RBM47: variants seen among roughly 807,000 people sequenced by gnomAD.
RBM47 encodes RNA-binding protein 47.
In RBM47, 21 loss-of-function variants were observed where a neutral mutation model predicts 47.1. That is an observed-to-expected ratio of 0.45 (90% CI 0.32 to 0.64). The LOEUF (loss-of-function observed/expected upper bound fraction) is 0.64. Ranked by LOEUF, RBM47 falls within the 30% of genes least tolerant of loss-of-function variation. The probability of loss-of-function intolerance (pLI) is 0.05; values close to 1 mark genes in which losing one functional copy is unlikely to be tolerated. For missense variants in RBM47, 708 were observed against 870.9 expected, an observed-to-expected ratio of 0.81 and a Z score of 2.35; for synonymous variants, 375 against 361.7, an observed-to-expected ratio of 1.04 and a Z score of -0.42.
intron 2 of RBM47, among the ~76,000 whole-genome samples, chr4:40,479,184 C>T (rs961489346): frequency 6.6e-6 from 1 of 152,130 alleles, no homozygotes. Flanking sequence ...GTTAATTTGT[C>T]TATTATCCTA....
intron 2 of RBM47, among the ~76,000 whole-genome samples, chr4:40,530,857 T>C (rs2154259345): frequency 6.6e-6 from 1 of 152,202 alleles, no homozygotes; most frequent in Non-Finnish European, 1.5e-5. Context: ...CCTAGCACCT[T>C]GGGAGGCTGA....
At chr4:40,617,156 G>A (rs530855465) in intron 1 of RBM47, among the ~76,000 whole-genome samples, 4 of 152,100 alleles carry the variant, frequency 2.6e-5, no homozygotes, top group Admixed American at 6.5e-5. Flanking sequence ...GATTACAGGC[G>A]TGAGACACTG....
intron 2 of RBM47, among the ~76,000 whole-genome samples, chr4:40,499,682 A>G (rs1723086244): frequency 6.6e-6 from 1 of 152,210 alleles, no homozygotes; most frequent in African/African-American, 2.4e-5. Flanking sequence ...TGCTGGGATA[A>G]CAGGCATGAG....
At chr4:40,617,605 T>C (rs1021544277) in intron 1 of RBM47, among the ~76,000 whole-genome samples, 1 of 151,784 alleles carries the variant, frequency 6.6e-6, no homozygotes, top group Non-Finnish European at 1.5e-5. Flanking sequence ...TAAGTACATA[T>C]ACATGCTAAA....
At chr4:40,430,364 A>G (rs888094334) in intron 6 of RBM47, among the ~76,000 whole-genome samples, 1 of 152,242 alleles carries the variant, frequency 6.6e-6, no homozygotes, top group Admixed American at 6.5e-5. Flanking sequence ...GTGCACATGA[A>G]AGACAAGTGT....
At chr4:40,578,987 C>T (rs1458739141) in intron 1 of RBM47, among the ~76,000 whole-genome samples, 2 of 152,216 alleles carry the variant, frequency 1.3e-5, no homozygotes, top group African/African-American at 2.4e-5. Context: ...GACATGGTGG[C>T]GTGCACTTGT....
intron 2 of RBM47, among the ~76,000 whole-genome samples, chr4:40,528,416 C>A (rs1045678501): frequency 4.3e-5 from 6 of 139,168 alleles, no homozygotes; most frequent in African/African-American, 8.6e-5. Context: ...AAAAAAAAAA[C>A]AACAAAAAAC....
At position 40,614,613 on chromosome 4, in the gene RBM47, C is replaced by T. The variant is rs570188605; in HGVS notation, c.-240+14783G>A. On this transcript the variant is annotated intron_variant, in intron 1 of 6. Transcript: ENST00000295971. Reference sequence around the variant, plus strand: ...CTCTGAGAGGCCAAAGGGGTAGGAACGCTTGAGCCCAGAAGTTTGAGACAA... The same window carrying T: ...CTCTGAGAGGCCAAAGGGGTAGGAATGCTTGAGCCCAGAAGTTTGAGACAA... Among the ~76,000 whole-genome samples, 4 of 151,656 alleles carry T rather than the reference C, an allele frequency of 2.6e-5. No homozygotes were observed. In the South Asian group the frequency reaches 6.3e-4, roughly 24 times the overall value.
At chr4:40,506,035 T>C (rs2154251705) in intron 2 of RBM47, among the ~76,000 whole-genome samples, 1 of 152,324 alleles carries the variant, frequency 6.6e-6, no homozygotes, top group East Asian at 1.9e-4. Context: ...ATATGATCTT[T>C]CTCTGACCTA....
rs1429692511 is a variant in RBM47, at chr4:40,432,686, C to T, written c.1507G>A (p.Val503Ile). Residue 503 changes from valine (V) to isoleucine (I), a missense_variant, in exon 6 of 7, where the codon GTC (valine) becomes ATC (isoleucine). Transcript: ENST00000295971. ...AAAAAAAAAA[V>I]IPTVSTPPPF... Reference sequence around the variant, plus strand: ...GGTGGCGTCGACACAGTGGGAATGACAGCGGCTGCGGCGGCTGCGGCCGCG... The same window carrying T: ...GGTGGCGTCGACACAGTGGGAATGATAGCGGCTGCGGCGGCTGCGGCCGCG... 3.1e-6 allele frequency: 5 copies of T among 1,610,210 alleles called. No homozygotes were observed. Among genetic ancestry groups the T allele is most frequent in the South Asian group, 2.2e-5 (2 of 90,834 alleles).
intron 6 of RBM47, among the ~76,000 whole-genome samples, chr4:40,428,193 C>CAAACAAAACAAAACAAAACA (rs71196867): frequency 8.0e-5 from 12 of 149,160 alleles, no homozygotes; most frequent in African/African-American, 2.0e-4. Context: ...GACCTTGTCT[C>CAAACAAAACAAAACAAAACA]AAACAAAACA....
chr4:40,553,931 G>A (rs910509452), intron 1 of RBM47, among the ~76,000 whole-genome samples: 3 of 152,112 alleles, frequency 2.0e-5, no homozygotes, highest in Admixed American at 2.0e-4. Context: ...TAGGGCCTTC[G>A]TCGTAAGATG....
intron 1 of RBM47, among the ~76,000 whole-genome samples, chr4:40,605,462 T>C (rs1324647089): frequency 6.6e-6 from 1 of 152,230 alleles, no homozygotes; most frequent in Non-Finnish European, 1.5e-5. Context: ...TACCACACAC[T>C]GCTGCTTTTA....
intron 2 of RBM47, among the ~76,000 whole-genome samples, chr4:40,511,910 G>A (rs1457055971): frequency 6.6e-6 from 1 of 150,942 alleles, no homozygotes; most frequent in Admixed American, 6.6e-5. Context: ...ACTCCAGCCT[G>A]GGGGACACAG....
intron 1 of RBM47, among the ~76,000 whole-genome samples, chr4:40,623,857 TTG>T (rs1181553163): frequency 6.6e-6 from 1 of 151,898 alleles, no homozygotes; most frequent in Admixed American, 6.6e-5. Context: ...GTTTGTTTGT[TTG>T]TTTGTTTGTT....
intron 1 of RBM47, among the ~76,000 whole-genome samples, chr4:40,582,171 C>A (rs149024763): frequency 1.1e-4 from 17 of 152,274 alleles, no homozygotes; most frequent in Non-Finnish European, 2.2e-4. Context: ...TTCACTCAGA[C>A]CCTCACTATA....
At chr4:40,458,428 G>A (rs1235260090) in intron 3 of RBM47, among the ~76,000 whole-genome samples, 5 of 152,114 alleles carry the variant, frequency 3.3e-5, no homozygotes, top group African/African-American at 9.7e-5. Context: ...TTATCTCAAG[G>A]CAATAATTAT....
chr4:40,602,273 A>T (rs1301077982), intron 1 of RBM47, among the ~76,000 whole-genome samples: 1 of 152,230 alleles, frequency 6.6e-6, no homozygotes, highest in Non-Finnish European at 1.5e-5. Context: ...AGATGTTCTA[A>T]AGAGGAAACA....
At chr4:40,559,861 A>G (rs559435884) in intron 1 of RBM47, among the ~76,000 whole-genome samples, 1 of 152,320 alleles carries the variant, frequency 6.6e-6, no homozygotes, top group Non-Finnish European at 1.5e-5. Context: ...ACAAACTGCA[A>G]ATGAAATAGA....
Sources: allele counts gnomAD v4.1 joint callset (sites outside exome capture counted in the v4.1 genomes callset), GRCh38; gene constraint gnomAD v4.1.1; transcripts MANE v1.5; gene names NCBI Gene and HGNC (gene_info 2026-07-23, HGNC 2026-07-21).